CPEB1: variants seen among roughly 807,000 people sequenced by gnomAD.
CPEB1 encodes the protein cytoplasmic polyadenylation element-binding protein 1.
CPEB1 carries 7 observed loss-of-function variants against 65.8 expected under a neutral mutation model. That is an observed-to-expected ratio of 0.11 (90% CI 0.06 to 0.20). The LOEUF (loss-of-function observed/expected upper bound fraction) is 0.20. Ranked by LOEUF, CPEB1 falls within the 10% of genes least tolerant of loss-of-function variation. The pLI is 1.00. For missense variants in CPEB1, 551 were observed against 712.2 expected (o/e 0.77, Z 2.58); for synonymous variants, 262 against 260.0 (o/e 1.01, Z -0.08).
Position 82,555,856 on chromosome 15 carries a change from C to T in CPEB1, c.940+14G>A, listed in dbSNP as rs769303432. The stretch of plus-strand genomic sequence containing the variant: ...TGAGGCCTCAGGCCTCACACATGCT[C>T]AAGGCACACTCACCTGCAGCTTGTC... On this transcript the variant is annotated intron_variant, in intron 6 of 12. Coordinates refer to ENST00000684509, the MANE Select transcript of CPEB1 (RefSeq NM_001365242.1). 4.7e-5 allele frequency: 75 copies of T among 1,605,442 alleles called. No individual in the cohort carries two copies. The highest frequency in any genetic ancestry group is 6.1e-5 in the Non-Finnish European group (72 of 1,177,458).
chr15:82,549,733 T>C, intron 9 of CPEB1, 75 bp from the exon 10 acceptor site: 1 of 1,398,444 alleles, frequency 7.2e-7, no homozygotes, highest in African/African-American at 1.4e-5. Context: ...GCAAGGTACG[T>C]GCTCTGGAGA....
chr15:82,603,788 G>A (rs990100285), intron 3 of CPEB1, among the ~76,000 whole-genome samples: 9 of 152,094 alleles, frequency 5.9e-5, no homozygotes, highest in African/African-American at 1.7e-4. Flanking sequence ...TAAAAAATGC[G>A]AAGTTTACAG....
chr15:82,621,824 T>C (rs547181107), intron 3 of CPEB1, among the ~76,000 whole-genome samples: 3 of 152,330 alleles, frequency 2.0e-5, no homozygotes, highest in African/African-American at 4.8e-5. Flanking sequence ...TAAATAAACA[T>C]ATCAGTGCTA....
chr15:82,615,971 A>C (rs12904929), intron 3 of CPEB1, among the ~76,000 whole-genome samples: 2,232 of 152,246 alleles, frequency 0.015, 28 homozygotes, highest in East Asian at 0.025. Context: ...AACATTTACC[A>C]AGAGGAATAT....
chr15:82,551,695 G>A (rs2036286202), intron 9 of CPEB1, among the ~76,000 whole-genome samples: 1 of 152,132 alleles, frequency 6.6e-6, no homozygotes, highest in Non-Finnish European at 1.5e-5. Context: ...CACAAAAGTT[G>A]TGTGCTCTCA....
At position 82,549,605 on chromosome 15, in the gene CPEB1, A is replaced by T; in HGVS notation, c.1335T>A (p.Ser445=). 1.2e-6 allele frequency: 2 copies of T among 1,614,202 alleles called. No homozygotes were observed. Among genetic ancestry groups the T allele is most frequent in the Non-Finnish European group, 1.7e-6 (2 of 1,180,036 alleles). ...LADSNFVRSP[S]QRLDPSRTVF... ...CCGTCCTGCTGGGGTCAAGCCTCTG[A>T]GATGGGCTCCGGACAAAGTTACTGT... Residue 445 remains serine (S), a synonymous_variant, in exon 10 of 13, where the codon TCT becomes TCA. Transcript: ENST00000684509.
At chr15:82,641,388 GAC>G (rs113875044) in intron 1 of CPEB1, among the ~76,000 whole-genome samples, 2 of 152,120 alleles carry the variant, frequency 1.3e-5, no homozygotes, top group African/African-American at 4.8e-5. Context: ...TCTGTAAAAA[GAC>G]ACAAAAAAAC....
chr15:82,646,653 G>A (rs997197283), intron 1 of CPEB1, among the ~76,000 whole-genome samples: 19 of 152,216 alleles, frequency 1.2e-4, no homozygotes, highest in African/African-American at 4.1e-4. Flanking sequence ...GCGTCTGCCT[G>A]GCTTTTCTCG....
chr15:82,630,163 C>T (rs2046121494), intron 1 of CPEB1: 1 of 961,854 alleles, frequency 1.0e-6, no homozygotes. Flanking sequence ...CTTGAAACTC[C>T]TGGGCTCAAG....
At chr15:82,640,226 G>A (rs372320544) in intron 1 of CPEB1, among the ~76,000 whole-genome samples, 17 of 152,162 alleles carry the variant, frequency 1.1e-4, no homozygotes. Context: ...CTAGGCTCAA[G>A]GGATTCTCCT....
chr15:82,606,413 T>G (rs1184634544), intron 3 of CPEB1, among the ~76,000 whole-genome samples: 1 of 145,196 alleles, frequency 6.9e-6, no homozygotes, highest in Non-Finnish European at 1.5e-5. Context: ...GGGGTTACAG[T>G]GACCCGAGAT....
chr15:82,581,274 G>A (rs2041257913), intron 3 of CPEB1, among the ~76,000 whole-genome samples: 1 of 152,128 alleles, frequency 6.6e-6, no homozygotes, highest in Admixed American at 6.5e-5. Flanking sequence ...TACTGTGCTA[G>A]GTTTCCTTTT....
chr15:82,642,302 C>T (rs1261592947), intron 1 of CPEB1, among the ~76,000 whole-genome samples: 1 of 152,178 alleles, frequency 6.6e-6, no homozygotes, highest in Non-Finnish European at 1.5e-5. Context: ...ACCTGTAATC[C>T]CAATACTCTG....
chr15:82,605,295 AAAG>A (rs2043465852), intron 3 of CPEB1, among the ~76,000 whole-genome samples: 1 of 152,346 alleles, frequency 6.6e-6, no homozygotes, highest in East Asian at 1.9e-4. Flanking sequence ...ATGAAGTAAT[AAAG>A]AAGACCAAAA....
rs574718162 is a variant in CPEB1 at position 82,600,966 on chromosome 15, G to A, written c.271+26227C>T. On this transcript the variant is annotated intron_variant, in intron 3 of 12. Coordinates refer to ENST00000684509, the MANE Select transcript of CPEB1 (RefSeq NM_001365242.1). Reference sequence around the variant, plus strand: ...ATTGCCCAGGCTAGAGTGCAGTGGCGCAACCTCCGCTCACTGCAACCTCCA... The same window carrying A: ...ATTGCCCAGGCTAGAGTGCAGTGGCACAACCTCCGCTCACTGCAACCTCCA... Among the ~76,000 whole-genome samples the A allele has an allele frequency of 8.0e-5, 11 of 138,030 alleles. No homozygotes were observed. The East Asian group carries it at 1.1e-3, about 14-fold the overall frequency. 90.6% of individuals were successfully genotyped at this position (138,030 alleles called of 152,430 possible). A position where few individuals can be genotyped will look rare whatever the true frequency, so the allele number is the denominator to read the frequency against.
chr15:82,570,235 C>T (rs892357106), intron 4 of CPEB1, among the ~76,000 whole-genome samples: 5 of 152,074 alleles, frequency 3.3e-5, no homozygotes, highest in South Asian at 2.1e-4. Context: ...AAAAGACCTG[C>T]GCCAAACAGG....
At chr15:82,553,407 T>C (rs776947609) in intron 8 of CPEB1, 60 bp downstream of exon 8, 8 of 1,276,792 alleles carry the variant, frequency 6.3e-6, no homozygotes, top group Admixed American at 1.7e-5. Flanking sequence ...GGTGCAGTTA[T>C]GTACTAGGGA....
chr15:82,552,364 C>A, intron 9 of CPEB1, 116 bp downstream of exon 9: 1 of 932,942 alleles, frequency 1.1e-6, no homozygotes, highest in Non-Finnish European at 1.5e-6. Context: ...GAAGAGCCTT[C>A]TTGCCTCAGC....
At chr15:82,586,057 A>T (rs1324884679) in intron 3 of CPEB1, among the ~76,000 whole-genome samples, 3 of 152,192 alleles carry the variant, frequency 2.0e-5, no homozygotes, top group African/African-American at 7.2e-5. Flanking sequence ...GATAAAGTAT[A>T]ATTGTGAGCA....
Sources: gnomAD v4.1 joint callset for allele counts (sites outside exome capture counted in the v4.1 genomes callset) on GRCh38, gnomAD v4.1.1 for gene constraint, MANE v1.5 for transcripts, NCBI Gene and HGNC (gene_info 2026-07-23, HGNC 2026-07-21) for gene names.